The following HIVEP1 variants were observed in gnomAD, a reference collection of about 807,000 sequenced individuals.
HIVEP1 encodes zinc finger protein 40.
Under a neutral mutation model 180.0 loss-of-function variants are expected in HIVEP1, and 36 were observed. The observed-to-expected ratio is 0.20, with a 90% CI of 0.15 to 0.26. The LOEUF is 0.26. Among genes scored for constraint, HIVEP1 ranks in the 10% least tolerant of loss-of-function variants. The pLI is 1.00. For synonymous variants in HIVEP1, 1,239 were observed against 1,239.0 expected (o/e 1.00, Z 0.00); for missense variants, 3,143 against 3,268.7 (o/e 0.96, Z 0.94).
At chr6:12,142,031 G>A (rs1759069945) in intron 7 of HIVEP1, among the ~76,000 whole-genome samples, 1 of 152,180 alleles carries the variant, frequency 6.6e-6, no homozygotes, top group Admixed American at 6.5e-5. Flanking sequence ...GCACCAAGCA[G>A]ACCTAAGAGA....
downstream of HIVEP1, chr6:12,165,234 A>G (rs1012057430): frequency 4.7e-6 from 2 of 424,650 alleles, no homozygotes; most frequent in Middle Eastern, 3.6e-4. Flanking sequence ...AAGACTAAAT[A>G]TATAAGAATA....
chr6:12,143,713 A>G (rs1035014772), intron 7 of HIVEP1, among the ~76,000 whole-genome samples: 2 of 152,248 alleles, frequency 1.3e-5, no homozygotes, highest in Non-Finnish European at 2.9e-5. Context: ...TCAATGTGCA[A>G]AAATCACAAG....
At chr6:12,067,090 G>A (rs1020364387) in intron 2 of HIVEP1, among the ~76,000 whole-genome samples, 6 of 152,062 alleles carry the variant, frequency 3.9e-5, no homozygotes, top group Admixed American at 1.3e-4. Flanking sequence ...TGGAAAATCC[G>A]TTTAGGGAAT....
At chr6:12,023,281 T>G (rs1768368955) in intron 2 of HIVEP1, among the ~76,000 whole-genome samples, 1 of 152,246 alleles carries the variant, frequency 6.6e-6, no homozygotes, top group East Asian at 1.9e-4. Flanking sequence ...AATCTTACGT[T>G]TACTTGTTAT....
intron 2 of HIVEP1, among the ~76,000 whole-genome samples, chr6:12,066,161 C>T (rs548483165): frequency 7.2e-5 from 11 of 152,186 alleles, no homozygotes; most frequent in South Asian, 4.1e-4. Context: ...GCGATTCTTA[C>T]GCTGGATGGG....
intron 7 of HIVEP1, among the ~76,000 whole-genome samples, chr6:12,146,897 A>G (rs892640170): frequency 9.2e-5 from 14 of 152,098 alleles, no homozygotes; most frequent in African/African-American, 2.4e-4. Context: ...TTCACTTCCC[A>G]AGGCTGGAAT....
chr6:12,127,817 G>A (rs1459841016), intron 4 of HIVEP1, among the ~76,000 whole-genome samples: 1 of 152,206 alleles, frequency 6.6e-6, no homozygotes, highest in East Asian at 1.9e-4. Context: ...GATATTCAAG[G>A]AGAGTTGTTA....
In HIVEP1 at chr6:12,163,741, C is replaced by A. The variant is rs1346356974; in HGVS notation, c.7437C>A (p.Asn2479Lys). 1 of 1,614,086 alleles carries A rather than the reference C, an allele frequency of 6.2e-7. No homozygotes were observed. Among genetic ancestry groups the A allele is most frequent in the Non-Finnish European group, 8.5e-7 (1 of 1,180,022 alleles). ...AAATCCGCGTGCCAGGCCTTCAGAA[C>A]CTAAGTACCCCAGGCTTGCAGTCAC... ...IGQIRVPGLQ[N>K]LSTPGLQSLP... The change falls in exon 9 of 9, where the codon AAC (asparagine) becomes AAA (lysine). Residue 2479 changes from asparagine (N) to lysine (K), a missense_variant. Transcript: ENST00000379388.
At chr6:12,098,433 A>G (rs1443479875) in intron 3 of HIVEP1, among the ~76,000 whole-genome samples, 1 of 152,186 alleles carries the variant, frequency 6.6e-6, no homozygotes, top group Non-Finnish European at 1.5e-5. Flanking sequence ...CTTCTTAGGT[A>G]ATTGACTTCA....
At position 12,117,598 on chromosome 6, in the gene HIVEP1, C is replaced by T. The variant is rs73724359; in HGVS notation, c.95-2292C>T. On this transcript the variant is annotated intron_variant, in intron 3 of 8. Transcript: ENST00000379388. Reference sequence around the variant, plus strand: ...TTGCATTTTTCTTTGGAGTATAAGACATTATTTAATTTTGAATAACATAAC... The same window carrying T: ...TTGCATTTTTCTTTGGAGTATAAGATATTATTTAATTTTGAATAACATAAC... Among the ~76,000 whole-genome samples, 880 of 152,194 alleles carry T rather than the reference C, an allele frequency of 5.8e-3. 6 individuals carry two copies. Among genetic ancestry groups the T allele is most frequent in the African/African-American group, 0.02 (843 of 41,530 alleles).
intron 2 of HIVEP1, among the ~76,000 whole-genome samples, chr6:12,052,977 A>T (rs574045887): frequency 2.6e-5 from 4 of 152,212 alleles, no homozygotes; most frequent in Non-Finnish European, 2.9e-5. Flanking sequence ...GGGGATTCTC[A>T]TCACAGTTTT....
At chr6:12,168,319 CATATATATTATATAATT>C (rs1562024978), downstream of HIVEP1, among the ~76,000 whole-genome samples, 7 of 130,240 alleles carry the variant, frequency 5.4e-5, no homozygotes, top group East Asian at 4.4e-4. Context: ...ATATTATATA[CATATATATTATATAATT>C]ATATATACAT....
intron 2 of HIVEP1, among the ~76,000 whole-genome samples, chr6:12,042,007 C>T (rs1035672235): frequency 6.7e-6 from 1 of 149,240 alleles, no homozygotes; most frequent in Non-Finnish European, 1.5e-5. Context: ...TTTGCCATTA[C>T]AAACGACTGC....
chr6:12,159,741 G>A lies in HIVEP1; in HGVS notation c.6488-1698G>A, dbSNP rs559494200. On this transcript the variant is annotated intron_variant, in intron 7 of 8. Coordinates refer to ENST00000379388, the MANE Select transcript of HIVEP1 (RefSeq NM_002114.4). Reference sequence around the variant, plus strand: ...ATTTTATTTCATTACTTATTTTACAGCATAATAGTAGAACCCTAAAAGCAA... The same window carrying A: ...ATTTTATTTCATTACTTATTTTACAACATAATAGTAGAACCCTAAAAGCAA... Among the ~76,000 whole-genome samples, 298 of 152,248 alleles carry A rather than the reference G, an allele frequency of 2.0e-3. 2 individuals are homozygous for A. Among genetic ancestry groups the A allele is most frequent in the African/African-American group, 6.8e-3 (282 of 41,538 alleles).
upstream of HIVEP1, chr6:12,008,171 C>A (rs1205202248): frequency 6.6e-6 from 1 of 152,102 alleles, no homozygotes; most frequent in African/African-American, 2.4e-5. Context: ...CTTTTCATAA[C>A]GTGAGGGGAA....
At chr6:12,108,700 C>A (rs1055947933) in intron 3 of HIVEP1, among the ~76,000 whole-genome samples, 5 of 152,212 alleles carry the variant, frequency 3.3e-5, no homozygotes, top group Non-Finnish European at 7.4e-5. Flanking sequence ...GCCCGCCAAG[C>A]CCACGCCCAC....
intron 3 of HIVEP1, among the ~76,000 whole-genome samples, chr6:12,117,178 A>C (rs1265653218): frequency 6.6e-6 from 1 of 152,230 alleles, no homozygotes; most frequent in Non-Finnish European, 1.5e-5. Flanking sequence ...ATAGAAGAAA[A>C]GTTTTCTGAG....
At chr6:12,154,914 G>T (rs1400949820) in intron 7 of HIVEP1, among the ~76,000 whole-genome samples, 1 of 151,984 alleles carries the variant, frequency 6.6e-6, no homozygotes, top group South Asian at 2.1e-4. Flanking sequence ...TGTTACCAGA[G>T]AATTTTTCTA....
intron 4 of HIVEP1, among the ~76,000 whole-genome samples, chr6:12,126,153 A>G (rs973576562): frequency 1.3e-5 from 2 of 152,246 alleles, no homozygotes; most frequent in African/African-American, 4.8e-5. Context: ...ACTTAGTAGT[A>G]CAGATGATCA....
Sources: allele counts gnomAD v4.1 joint callset (sites outside exome capture counted in the v4.1 genomes callset), GRCh38; gene constraint gnomAD v4.1.1; transcripts MANE v1.5; gene names NCBI Gene and HGNC (gene_info 2026-07-23, HGNC 2026-07-21).